The following HIVEP3 variants were observed in gnomAD, a reference collection of about 807,000 sequenced individuals.
HIVEP3 encodes transcription factor HIVEP3.
In HIVEP3, 49 loss-of-function variants were observed where a neutral mutation model predicts 152.8. The observed-to-expected ratio is 0.32, with a 90% CI of 0.26 to 0.41. The LOEUF is 0.41. Among genes scored for constraint, HIVEP3 ranks in the 10% least tolerant of loss-of-function variants. HIVEP3 has a pLI of 1.00. For synonymous variants in HIVEP3, 1,269 were observed against 1,289.0 expected, an observed-to-expected ratio of 0.98 and a Z score of 0.33; for missense variants, 2,790 against 3,103.3, an observed-to-expected ratio of 0.90 and a Z score of 2.40.
At chr1:41,901,386 A>T (rs1644620316) in intron 1 of HIVEP3, among the ~76,000 whole-genome samples, 2 of 152,078 alleles carry the variant, frequency 1.3e-5, no homozygotes, top group South Asian at 4.1e-4. Context: ...ATGCATGGAA[A>T]CTAACACCAG....
At chr1:41,730,654 A>G (rs1158476304) in intron 1 of HIVEP3, among the ~76,000 whole-genome samples, 1 of 152,250 alleles carries the variant, frequency 6.6e-6, no homozygotes, top group African/African-American at 2.4e-5. Flanking sequence ...TTGCACGTTA[A>G]TAATGCATGG....
chr1:41,768,038 A>G (rs1448908651), intron 1 of HIVEP3, among the ~76,000 whole-genome samples: 2 of 152,260 alleles, frequency 1.3e-5, no homozygotes, highest in Non-Finnish European at 2.9e-5. Flanking sequence ...AACGGAGGCC[A>G]AAACACTAAA....
chr1:41,971,582 G>A (rs188737140), intron 1 of HIVEP3, among the ~76,000 whole-genome samples: 15 of 152,172 alleles, frequency 9.9e-5, no homozygotes, highest in African/African-American at 2.9e-4. Context: ...AGCTCCAGTC[G>A]CCCCAGACCC....
rs193000584 is a variant in HIVEP3, at chr1:41,565,497, A to G, written c.5207+10047T>C. 2.2e-3 allele frequency among the ~76,000 whole-genome samples: 328 copies of G among 152,058 alleles called. 1 individual carries two copies. Among genetic ancestry groups the G allele is most frequent in the South Asian group, 5.2e-3 (25 of 4,818 alleles). On this transcript the variant is annotated intron_variant, in intron 5 of 8. Transcript: ENST00000372583. ...GGAAATATTTGACTCTTTAAACTCC[A>G]GACATGTGTAACTTTGATAAAAACT...
intron 2 of HIVEP3, among the ~76,000 whole-genome samples, chr1:41,638,882 C>T (rs1001111668): frequency 6.6e-6 from 1 of 152,214 alleles, no homozygotes; most frequent in Non-Finnish European, 1.5e-5. Flanking sequence ...CAGGGGCCAG[C>T]CTCACTGGGT....
At chr1:41,880,047 C>T (rs987924621) in intron 1 of HIVEP3, among the ~76,000 whole-genome samples, 1 of 152,156 alleles carries the variant, frequency 6.6e-6, no homozygotes, top group Non-Finnish European at 1.5e-5. Flanking sequence ...AATTAGCTTG[C>T]CTGGGATCAT....
intron 1 of HIVEP3, among the ~76,000 whole-genome samples, chr1:41,730,477 G>T (rs2124185037): frequency 6.6e-6 from 1 of 152,346 alleles, no homozygotes; most frequent in East Asian, 1.9e-4. Context: ...TGCCTGAAGA[G>T]CCAGCTCCCC....
At chr1:41,881,124 T>C (rs1305572397) in intron 1 of HIVEP3, among the ~76,000 whole-genome samples, 1 of 152,130 alleles carries the variant, frequency 6.6e-6, no homozygotes, top group Non-Finnish European at 1.5e-5. Context: ...ATCGTTATGG[T>C]GGTGATGACA....
At chr1:41,609,904 T>C (rs957226646) in intron 3 of HIVEP3, among the ~76,000 whole-genome samples, 1 of 152,272 alleles carries the variant, frequency 6.6e-6, no homozygotes, top group Admixed American at 6.5e-5. Context: ...AGGCATTTTT[T>C]AGACAAGATT....
chr1:41,772,410 T>C (rs1437642406), intron 1 of HIVEP3, among the ~76,000 whole-genome samples: 6 of 152,208 alleles, frequency 3.9e-5, no homozygotes, highest in Non-Finnish European at 8.8e-5. Context: ...GTGGGTTTTC[T>C]GGCACTTGCA....
rs1397447726 is a variant in HIVEP3 at position 41,506,446 on chromosome 1, A to G, written c.*4005T>C. On this transcript the variant is annotated 3_prime_UTR_variant, in exon 9 of 9. Transcript: ENST00000372583. Reference sequence around the variant, plus strand: ...ATCCTCAGGCTGAACACTCAGCCAGAGCTGTAATAAAGGCAATTATTATAC... The same window carrying G: ...ATCCTCAGGCTGAACACTCAGCCAGGGCTGTAATAAAGGCAATTATTATAC... The G allele has an allele frequency of 1.3e-5, 2 of 152,170 alleles. No individual in the cohort carries two copies. The highest frequency in any genetic ancestry group is 2.4e-5 in the African/African-American group (1 of 41,420). The allele number at this position is 152,170 out of a possible 1,614,324, so 9.4% of individuals were successfully genotyped here.
chr1:41,754,266 G>C (rs1417493588), intron 1 of HIVEP3, among the ~76,000 whole-genome samples: 2 of 152,126 alleles, frequency 1.3e-5, no homozygotes, highest in African/African-American at 4.8e-5. Flanking sequence ...ATTTTGAGCA[G>C]AGGAGGACCC....
upstream of HIVEP3, among the ~76,000 whole-genome samples, chr1:41,922,317 T>G (rs1644945798): frequency 6.6e-6 from 1 of 152,208 alleles, no homozygotes; most frequent in African/African-American, 2.4e-5. Flanking sequence ...TAAAAGACAC[T>G]GGTATAATTT....
intron 1 of HIVEP3, among the ~76,000 whole-genome samples, chr1:41,705,858 C>T (rs1204152906): frequency 7.9e-5 from 12 of 152,122 alleles, no homozygotes; most frequent in Non-Finnish European, 1.3e-4. Flanking sequence ...CATTGAATAC[C>T]GACAGCAAAT....
At chr1:41,637,775 A>C (rs1437071964) in intron 2 of HIVEP3, among the ~76,000 whole-genome samples, 1 of 152,210 alleles carries the variant, frequency 6.6e-6, no homozygotes, top group East Asian at 1.9e-4. Context: ...AGCACTAAGC[A>C]TGTATCACTT....
intron 1 of HIVEP3, among the ~76,000 whole-genome samples, chr1:42,017,334 C>T (rs1369287234): frequency 6.6e-6 from 1 of 152,010 alleles, no homozygotes; most frequent in Non-Finnish European, 1.5e-5. Flanking sequence ...GTATAAGATA[C>T]ATACAGAAAA....
chr1:41,777,752 G>A (rs575241377), intron 1 of HIVEP3, among the ~76,000 whole-genome samples: 1 of 152,310 alleles, frequency 6.6e-6, no homozygotes, highest in South Asian at 2.1e-4. Flanking sequence ...ATCTGCTGGG[G>A]GCTTCTTAGT....
At chr1:41,910,792 T>C (rs1383154509) in intron 1 of HIVEP3, among the ~76,000 whole-genome samples, 1 of 152,018 alleles carries the variant, frequency 6.6e-6, no homozygotes, top group South Asian at 2.1e-4. Flanking sequence ...CATCCATGTA[T>C]ATAATTTGAA....
At chr1:41,519,205 T>A (rs1003930071) in intron 6 of HIVEP3, among the ~76,000 whole-genome samples, 2 of 151,994 alleles carry the variant, frequency 1.3e-5, no homozygotes, top group Non-Finnish European at 2.9e-5. Flanking sequence ...AGGACCAGGG[T>A]GGTTCAGGGA....
Sources: gnomAD v4.1 joint callset for allele counts (sites outside exome capture counted in the v4.1 genomes callset) on GRCh38, gnomAD v4.1.1 for gene constraint, MANE v1.5 for transcripts, NCBI Gene and HGNC (gene_info 2026-07-23, HGNC 2026-07-21) for gene names.